The following ASDURF variants were observed in gnomAD, a reference collection of about 807,000 sequenced individuals.
ASDURF encodes ASDURF protein.
Under a neutral mutation model 3.3 loss-of-function variants are expected in ASDURF, and 3 were observed. The ratio of observed to expected loss-of-function variants is 0.92; its 90% CI spans 0.42 to 2.37. The LOEUF is 2.37. ASDURF is among the 30% of genes most tolerant of loss of function. The pLI, the probability that ASDURF is intolerant of heterozygous loss-of-function variation, is 0.05. For missense variants in ASDURF, 23 were observed against 25.4 expected (o/e 0.90, Z 0.21); for synonymous variants, 11 against 8.3 (o/e 1.32, Z -0.55).
At chr2:189,664,398 A>C (rs1217320390) in intron 2 of ASDURF, among the ~76,000 whole-genome samples, 1 of 152,236 alleles carries the variant, frequency 6.6e-6, no homozygotes, top group Admixed American at 6.5e-5. Context: ...AATGTGTAAC[A>C]TGGTTATTTA....
Position 189,665,584 on chromosome 2 carries a change from TTATATATATATGTGTATATA to T in ASDURF, c.220+145_220+164del, listed in dbSNP as rs1435260513. ...TAGGCTTCCGAAGATGAGTCAACAG[TTATATATATATGTGTATATA>T]TATATATATATATATATATATATAT... On this transcript the variant is annotated intron_variant, in intron 3 of 3. Transcript: ENST00000607829. 102 of 140,470 alleles carry T rather than the reference TTATATATATATGTGTATATA, an allele frequency of 7.3e-4. 1 individual carries two copies. Among genetic ancestry groups the T allele is most frequent in the African/African-American group, 3.6e-3 (96 of 26,872 alleles). 8.7% of individuals were successfully genotyped at this position (140,470 alleles called of 1,614,324 possible).
chr2:189,661,672 A>AGGTG (rs1041412887), intron 1 of ASDURF, 62 bp downstream of exon 1: 4 of 399,080 alleles, frequency 1.0e-5, no homozygotes, highest in Non-Finnish European at 1.8e-5. Context: ...TGGACCCTGA[A>AGGTG]GGTGGTCCGC....
intron 1 of ASDURF, 32 bp from the exon 2 acceptor site, chr2:189,663,869 C>T (rs548424101): frequency 2.3e-5 from 9 of 383,710 alleles, no homozygotes; most frequent in African/African-American, 1.7e-4. Context: ...TTGAAAACAT[C>T]TGACTTAAGG....
intron 1 of ASDURF, among the ~76,000 whole-genome samples, chr2:189,662,918 C>T (rs542933139): frequency 1.4e-5 from 2 of 143,642 alleles, no homozygotes; most frequent in East Asian, 4.0e-4. Context: ...CACTGCACTC[C>T]AGCCTGGGTA....
At chr2:189,665,799 A>G (rs920671310) in intron 3 of ASDURF, among the ~76,000 whole-genome samples, 3 of 151,832 alleles carry the variant, frequency 2.0e-5, no homozygotes, top group African/African-American at 7.3e-5. Flanking sequence ...ATAAGATGCT[A>G]TGTTAAAAGT....
chr2:189,662,533 G>A (rs2032691451), intron 1 of ASDURF, among the ~76,000 whole-genome samples: 1 of 152,076 alleles, frequency 6.6e-6, no homozygotes, highest in African/African-American at 2.4e-5. Context: ...CTGCCAACGG[G>A]GGAGACAGAA....
At position 189,666,269 on chromosome 2, in the gene ASDURF, A is replaced by G. The variant is rs1422265425; in HGVS notation, c.*158A>G. 1 of 1,614,016 alleles carries G rather than the reference A, an allele frequency of 6.2e-7. No homozygotes were observed. Among genetic ancestry groups the G allele is most frequent in the Non-Finnish European group, 8.5e-7 (1 of 1,180,010 alleles). Reference sequence around the variant, plus strand: ...TTGTTAAAGTCTGATGTTAACTACCAGTGTTTATTTTCTGCTCACGTCCTA... The same window carrying G: ...TTGTTAAAGTCTGATGTTAACTACCGGTGTTTATTTTCTGCTCACGTCCTA... On this transcript the variant is annotated 3_prime_UTR_variant, in exon 4 of 4. Coordinates refer to ENST00000607829, the MANE Select transcript of ASDURF (RefSeq NM_001353493.2).
In ASDURF at chr2:189,666,291, C is replaced by G; in HGVS notation, c.*180C>G. ...ACCAGTGTTTATTTTCTGCTCACGT[C>G]CTACACTTGAGGGGTGTTTTGACTA... On this transcript the variant is annotated 3_prime_UTR_variant, in exon 4 of 4. Coordinates refer to ENST00000607829, the MANE Select transcript of ASDURF (RefSeq NM_001353493.2). The G allele has an allele frequency of 6.2e-7, 1 of 1,614,068 alleles. No individual in the cohort carries two copies. The highest frequency in any genetic ancestry group is 1.1e-5 in the South Asian group (1 of 91,072).
Position 189,665,620 on chromosome 2 carries a change from A to G in ASDURF, c.220+169A>G, listed in dbSNP as rs867963518. 6.3e-4 allele frequency among the ~76,000 whole-genome samples: 72 copies of G among 114,314 alleles called. 3 individuals are homozygous for G. Among genetic ancestry groups the G allele is most frequent in the Middle Eastern group, 4.4e-3 (1 of 226 alleles). 75.0% of individuals were successfully genotyped at this position (114,314 alleles called of 152,430 possible). A position where few individuals can be genotyped will look rare whatever the true frequency, so the allele number is the denominator to read the frequency against. Reference sequence around the variant, plus strand: ...TGTGTATATATATATATATATATATATATATATATATATATATATATATAT... The same window carrying G: ...TGTGTATATATATATATATATATATGTATATATATATATATATATATATAT... On this transcript the variant is annotated intron_variant, in intron 3 of 3. Coordinates refer to ENST00000607829, the MANE Select transcript of ASDURF (RefSeq NM_001353493.2).
chr2:189,661,472 T>C lies in ASDURF; in HGVS notation c.-49T>C. ...CGCGCATGCGCTGTGGCTAATGCCG[T>C]AGGCTCCTTCAGGGCTGAGCCATCC... is the stretch of plus-strand genomic sequence containing the variant. On this transcript the variant is annotated 5_prime_UTR_variant, in exon 1 of 4. It removes the in-frame stop codon of an upstream open reading frame in the 5' UTR. Coordinates refer to ENST00000607829, the MANE Select transcript of ASDURF (RefSeq NM_001353493.2). The C allele has an allele frequency of 7.5e-6, 3 of 399,070 alleles. No homozygotes were observed. The highest frequency in any genetic ancestry group is 8.8e-6 in the Non-Finnish European group (2 of 226,134). The allele number at this position is 399,070 out of a possible 1,614,324, so 24.7% of individuals were successfully genotyped here.
intron 3 of ASDURF, 145 bp downstream of exon 3, chr2:189,665,596 GTGTATATATATA>G (rs1475831091): frequency 0.061 from 6,791 of 111,488 alleles, 584 homozygotes; most frequent in African/African-American, 0.071. Context: ...ATATATATAT[GTGTATATATATA>G]TATATATATA....
intron 3 of ASDURF, among the ~76,000 whole-genome samples, 197 bp downstream of exon 3, chr2:189,665,648 T>TA (rs2032785357): frequency 7.8e-6 from 1 of 127,702 alleles, no homozygotes; most frequent in Non-Finnish European, 1.6e-5. Flanking sequence ...ATATATATAT[T>TA]ATAAATGTTT....
At chr2:189,663,243 T>A (rs1000087038) in intron 1 of ASDURF, among the ~76,000 whole-genome samples, 2 of 151,546 alleles carry the variant, frequency 1.3e-5, no homozygotes, top group South Asian at 4.1e-4. Context: ...ATATATATTT[T>A]TTAAATTATT....
chr2:189,663,586 A>G (rs2032722496), intron 1 of ASDURF, among the ~76,000 whole-genome samples: 1 of 152,232 alleles, frequency 6.6e-6, no homozygotes, highest in South Asian at 2.1e-4. Context: ...CAAAAGGTAT[A>G]AACCTTGTTT....
chr2:189,661,517 G>A lies in ASDURF; in HGVS notation c.-4G>A. 1 of 399,266 alleles carries A rather than the reference G, an allele frequency of 2.5e-6. No individual in the cohort carries two copies. The highest frequency in any genetic ancestry group is 4.4e-6 in the Non-Finnish European group (1 of 226,228). 24.7% of individuals were successfully genotyped at this position (399,266 alleles called of 1,614,324 possible). On this transcript the variant is annotated 5_prime_UTR_variant, in exon 1 of 4. Coordinates refer to ENST00000607829, the MANE Select transcript of ASDURF (RefSeq NM_001353493.2). ...CCATCCCGCGTGTCTTGCGCTCGGT[G>A]GAAATGCCCAGCCGAGGGACGCGAC...
At chr2:189,662,535 G>C (rs995623422) in intron 1 of ASDURF, among the ~76,000 whole-genome samples, 2 of 152,154 alleles carry the variant, frequency 1.3e-5, no homozygotes, top group Admixed American at 6.5e-5. Context: ...GCCAACGGGG[G>C]AGACAGAAAG....
chr2:189,662,400 C>A (rs1574275566), intron 1 of ASDURF, among the ~76,000 whole-genome samples: 1 of 152,282 alleles, frequency 6.6e-6, no homozygotes, highest in East Asian at 1.9e-4. Context: ...TATCAGTTAC[C>A]TTCTTTGAAG....
At chr2:189,663,800 C>A in intron 1 of ASDURF, 101 bp from the exon 2 acceptor site, 1 of 348,344 alleles carries the variant, frequency 2.9e-6, no homozygotes, top group Non-Finnish European at 5.2e-6. Flanking sequence ...TACATCATAG[C>A]CCCTTATCCC....
At chr2:189,665,680 A>G (rs1465117297) in intron 3 of ASDURF, among the ~76,000 whole-genome samples, 1 of 144,784 alleles carries the variant, frequency 6.9e-6, no homozygotes, top group African/African-American at 2.6e-5. Flanking sequence ...AGTTATTAAC[A>G]TGTGCTTTAG....
Sources: gnomAD v4.1 joint callset for allele counts (sites outside exome capture counted in the v4.1 genomes callset) on GRCh38, gnomAD v4.1.1 for gene constraint, MANE v1.5 for transcripts, NCBI Gene and HGNC (gene_info 2026-07-23, HGNC 2026-07-21) for gene names.